Variants in CHRNA7 observed in about 807,000 individuals in gnomAD.
The protein encoded by CHRNA7 is neuronal acetylcholine receptor subunit alpha-7.
In CHRNA7, 17 loss-of-function variants were observed where a neutral mutation model predicts 48.0. The observed-to-expected ratio is 0.35, with a 90% confidence interval of 0.24 to 0.53. The LOEUF is 0.53. Among genes scored for constraint, CHRNA7 ranks in the 20% least tolerant of loss-of-function variants. The pLI, the probability that CHRNA7 is intolerant of heterozygous loss-of-function variation, is 0.92. For synonymous variants in CHRNA7, 75 were observed against 242.3 expected, an observed-to-expected ratio of 0.31 and a Z score of 6.41; for missense variants, 155 against 577.7, an observed-to-expected ratio of 0.27 and a Z score of 7.50.
chr15:32,036,774 G>GTT lies in CHRNA7; in HGVS notation c.195+5751_195+5752dup, dbSNP rs36093665. 3.4e-3 allele frequency among the ~76,000 whole-genome samples: 457 copies of GTT among 134,354 alleles called. 3 individuals carry two copies. Among genetic ancestry groups the GTT allele is most frequent in the African/African-American group, 0.011 (397 of 37,220 alleles). 88.1% of individuals were successfully genotyped at this position (134,354 alleles called of 152,430 possible). A position where few individuals can be genotyped will look rare whatever the true frequency, so the allele number is the denominator to read the frequency against. ...AGGTCTTTGGCCAAGTTTTCAGTGG[G>GTT]TTTTTTTTTTTTTTTCTTATTTCTG... On this transcript the variant is annotated intron_variant, in intron 2 of 9. Transcript: ENST00000306901.
chr15:32,032,966 G>A (rs571810719), intron 2 of CHRNA7, among the ~76,000 whole-genome samples: 128 of 152,282 alleles, frequency 8.4e-4, no homozygotes, highest in Admixed American at 2.3e-3. Context: ...TATACTACAT[G>A]AACATTTAAA....
Position 32,170,467 on chromosome 15 carries a change from T to C in CHRNA7, c.*2009T>C, listed in dbSNP as rs1284962918. 6.6e-6 allele frequency: 1 copy of C among 151,760 alleles called. No homozygotes were observed. The highest frequency in any genetic ancestry group is 1.5e-5 in the Non-Finnish European group (1 of 68,024). 9.4% of individuals were successfully genotyped at this position (151,760 alleles called of 1,614,324 possible). On this transcript the variant is annotated 3_prime_UTR_variant, in exon 10 of 10. Coordinates refer to ENST00000306901, the MANE Select transcript of CHRNA7 (RefSeq NM_000746.6). ...CTGTTACAGTGTCTTTAGAAACAAG[T>C]AGAAGTGTTTTGATATATAAAAGGA...
intron 4 of CHRNA7, among the ~76,000 whole-genome samples, chr15:32,121,972 C>T (rs74694329): frequency 0.025 from 3,853 of 152,280 alleles, 71 homozygotes; most frequent in Middle Eastern, 0.075. Flanking sequence ...GTCCCTGACG[C>T]CTGGCCACAG....
chr15:32,132,199 G>C (rs1024830986), intron 4 of CHRNA7, among the ~76,000 whole-genome samples: 1 of 152,166 alleles, frequency 6.6e-6, no homozygotes, highest in Non-Finnish European at 1.5e-5. Context: ...CTGTCAGGCT[G>C]CTTCTCTCCT....
intron 4 of CHRNA7, among the ~76,000 whole-genome samples, chr15:32,118,118 A>C (rs1224356377): frequency 1.3e-5 from 2 of 152,052 alleles, no homozygotes; most frequent in African/African-American, 4.8e-5. Context: ...TGGGAATGGG[A>C]CTGATAACTT....
rs28798246 is a variant in CHRNA7, at chr15:32,049,205, A to G, written c.195+18168A>G. ...AGTTCAGTTCCTGGGTATCCTTGTT[A>G]ACTTTCTGTCTCGTTGATCTGTCTA... On this transcript the variant is annotated intron_variant, in intron 2 of 9. Coordinates refer to ENST00000306901, the MANE Select transcript of CHRNA7 (RefSeq NM_000746.6). Among the ~76,000 whole-genome samples the G allele has an allele frequency of 6.5e-4, 98 of 151,756 alleles. 1 individual carries two copies. Among genetic ancestry groups the G allele is most frequent in the Admixed American group, 5.6e-3 (85 of 15,144 alleles).
intron 2 of CHRNA7, among the ~76,000 whole-genome samples, chr15:32,073,064 A>G (rs1425356869): frequency 6.6e-6 from 1 of 152,144 alleles, no homozygotes; most frequent in Non-Finnish European, 1.5e-5. Context: ...GTCAGCTTGC[A>G]CCCTGAGCCC....
At chr15:32,145,335 C>A (rs1217694908) in intron 4 of CHRNA7, among the ~76,000 whole-genome samples, 2 of 152,148 alleles carry the variant, frequency 1.3e-5, no homozygotes, top group African/African-American at 2.4e-5. Flanking sequence ...TCTGTTGGCC[C>A]CTACTGGGAG....
chr15:32,116,328 G>C (rs1207215510), intron 4 of CHRNA7, among the ~76,000 whole-genome samples: 1 of 152,142 alleles, frequency 6.6e-6, no homozygotes, highest in African/African-American at 2.4e-5. Flanking sequence ...AAAGTGGCTG[G>C]GTCACTGCAA....
At chr15:32,061,740 G>A (rs568467607) in intron 2 of CHRNA7, among the ~76,000 whole-genome samples, 4 of 152,216 alleles carry the variant, frequency 2.6e-5, no homozygotes, top group South Asian at 2.1e-4. Context: ...CCCGGGAGGC[G>A]GAGGTTGCAG....
chr15:32,094,818 G>A (rs1234485558), intron 2 of CHRNA7, among the ~76,000 whole-genome samples: 3 of 152,092 alleles, frequency 2.0e-5, no homozygotes, highest in South Asian at 4.1e-4. Flanking sequence ...CTGCCACCGC[G>A]CCTGGCTAAT....
chr15:32,048,209 CT>C (rs1334783334), intron 2 of CHRNA7, among the ~76,000 whole-genome samples: 3 of 152,180 alleles, frequency 2.0e-5, no homozygotes, highest in African/African-American at 7.2e-5. Flanking sequence ...GAGATTCCCT[CT>C]TTTTCTGTTG....
At chr15:32,140,491 C>A (rs1173751717) in intron 4 of CHRNA7, among the ~76,000 whole-genome samples, 2 of 152,198 alleles carry the variant, frequency 1.3e-5, no homozygotes, top group East Asian at 1.9e-4. Flanking sequence ...CTTGAGAAAT[C>A]TTCCACTGTC....
chr15:32,054,936 G>A (rs781159919), intron 2 of CHRNA7, among the ~76,000 whole-genome samples: 8 of 152,310 alleles, frequency 5.3e-5, no homozygotes, highest in Non-Finnish European at 7.3e-5. Flanking sequence ...ATAGGGCAGC[G>A]TGTTTTTAAC....
chr15:32,049,192 G>C (rs1419283620), intron 2 of CHRNA7, among the ~76,000 whole-genome samples: 1 of 151,832 alleles, frequency 6.6e-6, no homozygotes, highest in East Asian at 1.9e-4. Flanking sequence ...TTCAGTTCCT[G>C]GGTATCCTTG....
At chr15:32,064,108 A>G (rs928416649) in intron 2 of CHRNA7, among the ~76,000 whole-genome samples, 1 of 152,188 alleles carries the variant, frequency 6.6e-6, no homozygotes, top group Middle Eastern at 3.2e-3. Flanking sequence ...CCAGTTCCCA[A>G]TAGCTTTGTT....
At chr15:32,091,795 C>A (rs910092257) in intron 2 of CHRNA7, among the ~76,000 whole-genome samples, 6 of 152,202 alleles carry the variant, frequency 3.9e-5, no homozygotes, top group Admixed American at 2.6e-4. Flanking sequence ...CACGTACTTA[C>A]AATGTTCTTT....
chr15:32,146,067 G>A (rs186150015), intron 4 of CHRNA7, among the ~76,000 whole-genome samples: 2 of 152,290 alleles, frequency 1.3e-5, no homozygotes, highest in African/African-American at 4.8e-5. Context: ...CTATGTATAA[G>A]TCTTAACTAA....
chr15:32,067,176 A>C (rs185879476), intron 2 of CHRNA7, among the ~76,000 whole-genome samples: 1 of 152,246 alleles, frequency 6.6e-6, no homozygotes, highest in African/African-American at 2.4e-5. Flanking sequence ...ACATCCGTAA[A>C]GCTTAACAAA....
Sources: gnomAD v4.1 joint callset for allele counts (sites outside exome capture counted in the v4.1 genomes callset) on GRCh38, gnomAD v4.1.1 for gene constraint, MANE v1.5 for transcripts, NCBI Gene and HGNC (gene_info 2026-07-23, HGNC 2026-07-21) for gene names.